Variants in POLA2 observed in about 807,000 individuals in gnomAD.
The protein encoded by POLA2 is DNA polymerase alpha subunit B.
A neutral mutation model predicts 82.8 loss-of-function variants in POLA2; 47 were observed. The observed-to-expected ratio is 0.57, with a 90% CI of 0.45 to 0.72. The LOEUF is 0.72. Among genes scored for constraint, POLA2 ranks in the 30% least tolerant of loss-of-function variants. The pLI, the probability that POLA2 is intolerant of heterozygous loss-of-function variation, is 0.00. For missense variants in POLA2, 634 were observed against 728.1 expected (o/e 0.87, Z 1.49); for synonymous variants, 287 against 286.8 (o/e 1.00, Z -0.01).
chr11:65,275,954 T>C lies in POLA2; in HGVS notation c.417T>C (p.Thr139=), dbSNP rs780953142. 5 of 1,608,916 alleles carry C rather than the reference T, an allele frequency of 3.1e-6. No individual in the cohort carries two copies. The highest frequency in any genetic ancestry group is 1.7e-5 in the Admixed American group (1 of 59,182). The change falls in exon 5 of 18, where the codon ACT becomes ACC. Residue 139 remains threonine, a synonymous_variant. Transcript: ENST00000265465. ...CCCTAACAAAAAGGAGTGTGTCAAC[T>C]CGTAGCCCCCATCAGCTACTCTCAC... The part of the protein sequence containing the change: ...ETPLTKRSVS[T]RSPHQLLSPS...
chr11:65,305,686 TAAC>T, downstream of POLA2: 1 of 271,122 alleles, frequency 3.7e-6, no homozygotes, highest in Non-Finnish European at 7.3e-6. Context: ...GTCTCTAAAA[TAAC>T]AATAATAAGA....
intron 4 of POLA2, among the ~76,000 whole-genome samples, chr11:65,271,994 C>G (rs975885932): frequency 6.6e-6 from 1 of 151,968 alleles, no homozygotes. Flanking sequence ...TTAGGCCATG[C>G]ATCAATGGCA....
intron 8 of POLA2, among the ~76,000 whole-genome samples, chr11:65,304,366 C>A (rs760703372): frequency 6.6e-6 from 1 of 151,014 alleles, no homozygotes; most frequent in Non-Finnish European, 1.5e-5. Flanking sequence ...CATCCACCCA[C>A]CCATGAACTT....
rs202197840 is a variant in POLA2 at position 65,295,609 on chromosome 11, C to G, written c.1520+10C>G. 96 of 1,609,768 alleles carry G rather than the reference C, an allele frequency of 6.0e-5. No individual in the cohort carries two copies. In the African/African-American group the frequency reaches 1.3e-3, roughly 21 times the overall value. On this transcript the variant is annotated intron_variant, in intron 16 of 17. Coordinates refer to ENST00000265465, the MANE Select transcript of POLA2 (RefSeq NM_002689.4). ...TCTTGACCCAGAGGAGGTGAGCTTGCCGCTGGGACCCCTGACTGTGGAGAG... is the reference window on the plus strand; with the variant it reads ...TCTTGACCCAGAGGAGGTGAGCTTGGCGCTGGGACCCCTGACTGTGGAGAG...
rs770313496 is a variant in POLA2, at chr11:65,278,786, C to T, written c.518C>T (p.Ser173Phe). The change falls in exon 6 of 18, where the codon TCC becomes TTC. Residue 173 changes from serine (S) to phenylalanine (F), a missense_variant. Ser to Phe is a radical substitution (Grantham distance 155). Transcript: ENST00000265465. ...SRSNRGEVVT[S>F]FGLAQGVSWS... The stretch of plus-strand genomic sequence containing the variant: ...AGTAACCGAGGAGAAGTGGTTACCT[C>T]CTTCGGCTTAGCACAGGGAGTATCT... 4.8e-5 allele frequency: 77 copies of T among 1,613,704 alleles called. No individual in the cohort carries two copies. In the Admixed American group the frequency reaches 1.3e-3, roughly 27 times the overall value.
chr11:65,262,081 C>G lies in POLA2; in HGVS notation c.-212C>G, dbSNP rs755528040. 1.1e-5 allele frequency: 6 copies of G among 554,536 alleles called. No homozygotes were observed. 34.4% of individuals were successfully genotyped at this position (554,536 alleles called of 1,614,324 possible). On this transcript the variant is annotated 5_prime_UTR_variant, in exon 1 of 18. Coordinates refer to ENST00000265465, the MANE Select transcript of POLA2 (RefSeq NM_002689.4). ...CATTCAGGGCGTTTGGGAGCCACCCCTTCATTTTTTAAAAAAAGTATTTCT... is the reference window on the plus strand; with the variant it reads ...CATTCAGGGCGTTTGGGAGCCACCCGTTCATTTTTTAAAAAAAGTATTTCT...
At chr11:65,278,674 C>T in intron 5 of POLA2, 56 bp from the exon 6 acceptor site, 1 of 1,398,820 alleles carries the variant, frequency 7.1e-7, no homozygotes, top group East Asian at 2.3e-5. Context: ...TCATTTTATT[C>T]TTCTCTCCCT....
In POLA2 at chr11:65,295,575, T is replaced by C. The variant is rs764587230; in HGVS notation, c.1496T>C (p.Leu499Pro). The C allele has an allele frequency of 2.5e-6, 4 of 1,614,000 alleles. No individual in the cohort carries two copies. The South Asian group carries it at 4.4e-5, about 18-fold the overall frequency. Residue 499 changes from leucine (L) to proline (P), a missense_variant, in exon 16 of 18, where the codon CTC (leucine) becomes CCC (proline). Leu to Pro is a moderately conservative substitution (Grantham distance 98). Transcript: ENST00000265465. Reference protein sequence around the residue: ...SGTSDRFSRILKHILTQRSYY... With the variant: ...SGTSDRFSRIPKHILTQRSYY... ...ACTTCAGACAGATTCAGCCGAATAC[T>C]CAAGCACATCTTGACCCAGAGGAGG...
intron 16 of POLA2, 62 bp downstream of exon 16, chr11:65,295,661 C>A: frequency 6.9e-7 from 1 of 1,453,430 alleles, no homozygotes; most frequent in Non-Finnish European, 9.6e-7. Flanking sequence ...GGAGCTATGA[C>A]AAGCATGACT....
intron 4 of POLA2, 82 bp downstream of exon 4, chr11:65,268,811 AAATC>A: frequency 1.2e-6 from 1 of 867,064 alleles, no homozygotes; most frequent in East Asian, 2.8e-5. Context: ...CTGAGGGAAA[AAATC>A]AACCACTCTC....
chr11:65,273,526 A>G (rs1295759103), intron 4 of POLA2, among the ~76,000 whole-genome samples: 1 of 152,194 alleles, frequency 6.6e-6, no homozygotes, highest in Non-Finnish European at 1.5e-5. Flanking sequence ...GTCTTGCGAG[A>G]CAGACTGTCA....
intron 16 of POLA2, 37 bp from the exon 17 acceptor site, chr11:65,295,827 G>T (rs1182554264): frequency 6.3e-7 from 1 of 1,594,152 alleles, no homozygotes; most frequent in Admixed American, 1.7e-5. Context: ...GGGCCCCCCG[G>T]TCAGCTAGTG....
Position 65,297,244 on chromosome 11 carries a change from T to C in POLA2, c.1772T>C (p.Ile591Thr). The change falls in exon 18 of 18, where the codon ATT becomes ACT. Residue 591 changes from isoleucine (I) to threonine (T), a missense_variant. Transcript: ENST00000265465. ...ADGAERQSPC[I>T]AVQVVRI ...GGGGCAGAGAGGCAGAGCCCATGCATTGCTGTGCAGGTCGTCAGGATCTGA... is the reference window on the plus strand; with the variant it reads ...GGGGCAGAGAGGCAGAGCCCATGCACTGCTGTGCAGGTCGTCAGGATCTGA... 1 of 1,611,960 alleles carries C rather than the reference T, an allele frequency of 6.2e-7. No individual in the cohort carries two copies. Among genetic ancestry groups the C allele is most frequent in the South Asian group, 1.1e-5 (1 of 90,882 alleles).
chr11:65,276,381 T>C (rs538327042), intron 5 of POLA2, among the ~76,000 whole-genome samples: 13 of 152,224 alleles, frequency 8.5e-5, no homozygotes, highest in Admixed American at 6.5e-4. Flanking sequence ...TTTTTCTTTC[T>C]TTTCATCTAA....
rs1205838817 is a variant in POLA2, at chr11:65,304,960, C to T, written c.657-413C>T. On this transcript the variant is annotated intron_variant, in intron 8 of 8. Transcript: ENST00000525924. ...CAGCACATCATCCTGGCCCCCAAAA[C>T]CCTTGCGGGCTCCATTCTCCCCCCA... Among the ~76,000 whole-genome samples, 4 of 151,362 alleles carry T rather than the reference C, an allele frequency of 2.6e-5. No individual in the cohort carries two copies. In the East Asian group the frequency reaches 7.8e-4, roughly 29 times the overall value.
At chr11:65,279,959 C>T (rs1416391277) in intron 7 of POLA2, 2 of 230,260 alleles carry the variant, frequency 8.7e-6, no homozygotes, top group South Asian at 9.8e-5. Context: ...AGGACAGCAG[C>T]GACGGTGGGG....
chr11:65,275,946 G>T lies in POLA2; in HGVS notation c.409G>T (p.Val137Leu). 5 of 1,609,384 alleles carry T rather than the reference G, an allele frequency of 3.1e-6. No homozygotes were observed. The highest frequency in any genetic ancestry group is 4.2e-6 in the Non-Finnish European group (5 of 1,178,016). Reference sequence around the variant, plus strand: ...AGAAACCCCCCTAACAAAAAGGAGTGTGTCAACTCGTAGCCCCCATCAGCT... The same window carrying T: ...AGAAACCCCCCTAACAAAAAGGAGTTTGTCAACTCGTAGCCCCCATCAGCT... The part of the protein sequence containing the change: ...TPETPLTKRS[V>L]STRSPHQLLS... Residue 137 changes from valine (V) to leucine (L), a missense_variant, in exon 5 of 18, where the codon GTG becomes TTG. Val to Leu is a conservative substitution (Grantham distance 32). Transcript: ENST00000265465.
intron 16 of POLA2, 118 bp from the exon 17 acceptor site, chr11:65,295,746 C>G (rs1949803221): frequency 6.5e-6 from 9 of 1,377,254 alleles, no homozygotes; most frequent in East Asian, 4.6e-5. Context: ...CCCACACACA[C>G]AGAGAAAAAG....
In POLA2 at chr11:65,262,054, T is replaced by A; in HGVS notation, c.-239T>A. 7 of 558,692 alleles carry A rather than the reference T, an allele frequency of 1.3e-5. No homozygotes were observed. The South Asian group carries it at 1.4e-4, about 11-fold the overall frequency. The allele number at this position is 558,692 out of a possible 1,614,324, so 34.6% of individuals were successfully genotyped here. On this transcript the variant is annotated 5_prime_UTR_variant, in exon 1 of 18. Transcript: ENST00000265465. ...GCGTCCTCTCGAGATTTCTGCTCCCTCCATTCAGGGCGTTTGGGAGCCACC... is the reference window on the plus strand; with the variant it reads ...GCGTCCTCTCGAGATTTCTGCTCCCACCATTCAGGGCGTTTGGGAGCCACC...
Sources: allele counts gnomAD v4.1 joint callset (sites outside exome capture counted in the v4.1 genomes callset), GRCh38; gene constraint gnomAD v4.1.1; transcripts MANE v1.5; gene names NCBI Gene and HGNC (gene_info 2026-07-23, HGNC 2026-07-21).